Variants in BCAT1 observed in about 807,000 individuals in gnomAD.
The protein encoded by BCAT1 is branched-chain-amino-acid aminotransferase, cytosolic.
In BCAT1, 48 loss-of-function variants were observed where a neutral mutation model predicts 52.4. The ratio of observed to expected loss-of-function variants is 0.92; its 90% CI spans 0.73 to 1.16. BCAT1 has a LOEUF of 1.16. Among genes scored for constraint, BCAT1 ranks in the 50% most tolerant of loss-of-function variants. BCAT1 has a pLI of 0.00. For missense variants in BCAT1, 451 were observed against 457.1 expected (o/e 0.99, Z 0.12); for synonymous variants, 167 against 161.3 (o/e 1.04, Z -0.27).
At chr12:24,922,944 CA>C (rs1943523279) in intron 1 of BCAT1, among the ~76,000 whole-genome samples, 1 of 151,882 alleles carries the variant, frequency 6.6e-6, no homozygotes, top group East Asian at 1.9e-4. Flanking sequence ...GGAAATCAGA[CA>C]TGTGCTTCCC....
At chr12:24,857,053 G>A (rs1446272041) in intron 5 of BCAT1, among the ~76,000 whole-genome samples, 1 of 152,206 alleles carries the variant, frequency 6.6e-6, no homozygotes, top group Non-Finnish European at 1.5e-5. Flanking sequence ...CTCCTTCTCG[G>A]AGGAGCAATG....
intron 4 of BCAT1, among the ~76,000 whole-genome samples, chr12:24,880,901 T>C (rs965618170): frequency 6.6e-6 from 1 of 151,844 alleles, no homozygotes; most frequent in African/African-American, 2.4e-5. Context: ...AGTGATGTGA[T>C]TATCTTGGCT....
At chr12:24,832,619 T>G in intron 9 of BCAT1, 104 bp downstream of exon 9, 1 of 1,324,254 alleles carries the variant, frequency 7.6e-7, no homozygotes, top group Non-Finnish European at 1.0e-6. Flanking sequence ...ACAAAACTTT[T>G]GCATCTTGGG....
Position 24,832,834 on chromosome 12 carries a change from G to A in BCAT1, c.933C>T (p.Leu311=), listed in dbSNP as rs1431394774. The change falls in exon 9 of 11, where the codon CTC becomes CTT. Residue 311 remains leucine (L), a synonymous_variant. Coordinates refer to ENST00000261192, the MANE Select transcript of BCAT1 (RefSeq NM_005504.7). ...WGEFKVSERY[L]TMDDLTTALE... is the part of the protein sequence containing the mutation. The stretch of plus-strand genomic sequence containing the variant: ...GGGCTGTTGTCAAGTCATCCATGGT[G>A]AGGTATCTCTCTGACACCTTAAATT... The A allele has an allele frequency of 6.2e-6, 10 of 1,612,120 alleles. No individual in the cohort carries two copies. The highest frequency in any genetic ancestry group is 8.5e-6 in the Non-Finnish European group (10 of 1,179,134).
intron 3 of BCAT1, among the ~76,000 whole-genome samples, chr12:24,892,059 T>TTTTTGTTTTGTTTTG (rs3044287): frequency 0.032 from 4,582 of 144,508 alleles, 128 homozygotes; most frequent in East Asian, 0.15. Context: ...GCCTGGCCGT[T>TTTTTGTTTTGTTTTG]TTTTGTTTTG....
intron 1 of BCAT1, among the ~76,000 whole-genome samples, chr12:24,934,050 GGTTC>G (rs1943718693): frequency 6.6e-6 from 1 of 152,178 alleles, no homozygotes; most frequent in Non-Finnish European, 1.5e-5. Flanking sequence ...TAACGTGTCT[GGTTC>G]CTAGTTTCTG....
At chr12:24,834,877 T>G (rs1424267392) in intron 8 of BCAT1, 1 of 846,160 alleles carries the variant, frequency 1.2e-6, no homozygotes, top group Non-Finnish European at 1.5e-6. Flanking sequence ...TCACCCTTAC[T>G]TATCTTTGGA....
At chr12:24,861,501 C>T (rs1941847836) in intron 5 of BCAT1, among the ~76,000 whole-genome samples, 1 of 152,094 alleles carries the variant, frequency 6.6e-6, no homozygotes, top group South Asian at 2.1e-4. Flanking sequence ...TGTGAGAACT[C>T]GGGAGTTAGG....
chr12:24,838,655 A>G (rs1941076873), intron 7 of BCAT1, among the ~76,000 whole-genome samples: 1 of 152,134 alleles, frequency 6.6e-6, no homozygotes, highest in Non-Finnish European at 1.5e-5. Flanking sequence ...AACACCCAGA[A>G]CTGTAACCAC....
chr12:24,902,103 G>C, intron 1 of BCAT1: 2 of 1,469,898 alleles, frequency 1.4e-6, no homozygotes, highest in South Asian at 1.4e-5. Context: ...GGGTCGCGGC[G>C]GTTTTTGTCC....
chr12:24,938,143 G>C (rs1943793400), intron 1 of BCAT1, among the ~76,000 whole-genome samples: 1 of 152,124 alleles, frequency 6.6e-6, no homozygotes, highest in Non-Finnish European at 1.5e-5. Context: ...TTCCAATGAT[G>C]GTTAGAGGAA....
At position 24,817,177 on chromosome 12, in the gene BCAT1, C is replaced by T. The variant is rs950807314; in HGVS notation, c.*831G>A. ...AGACAATATAAGGTAAATCTATACA[C>T]TGTCAGAATCAATCACAAATTCTAA... On this transcript the variant is annotated 3_prime_UTR_variant, in exon 11 of 11. Coordinates refer to ENST00000261192, the MANE Select transcript of BCAT1 (RefSeq NM_005504.7). The T allele has an allele frequency of 6.6e-6, 1 of 152,206 alleles. No homozygotes were observed. Among genetic ancestry groups the T allele is most frequent in the African/African-American group, 2.4e-5 (1 of 41,446 alleles). 9.4% of individuals were successfully genotyped at this position (152,206 alleles called of 1,614,324 possible). A position where few individuals can be genotyped will look rare whatever the true frequency, so the allele number is the denominator to read the frequency against.
chr12:24,940,765 G>A (rs1360376888), intron 1 of BCAT1, among the ~76,000 whole-genome samples: 3 of 152,204 alleles, frequency 2.0e-5, no homozygotes, highest in African/African-American at 7.2e-5. Context: ...CAGGGAATTT[G>A]AGAAGTCCTA....
At chr12:24,898,283 A>C (rs371622423) in intron 2 of BCAT1, among the ~76,000 whole-genome samples, 7 of 152,166 alleles carry the variant, frequency 4.6e-5, no homozygotes, top group Non-Finnish European at 7.4e-5. Context: ...ACATTCCCTG[A>C]TGACATCGAA....
chr12:24,842,335 T>C lies in BCAT1; in HGVS notation c.675-111A>G, dbSNP rs1591797857. Reference sequence around the variant, plus strand: ...AATTCACATGTGGACATAGTGAAGGTATTATGTTCTTAATATATATACACT... The same window carrying C: ...AATTCACATGTGGACATAGTGAAGGCATTATGTTCTTAATATATATACACT... On this transcript the variant is annotated intron_variant, in intron 6 of 10. Transcript: ENST00000261192. 4.2e-6 allele frequency: 5 copies of C among 1,197,534 alleles called. No homozygotes were observed. In the East Asian group the frequency reaches 9.8e-5, roughly 24 times the overall value. The allele number at this position is 1,197,534 out of a possible 1,614,324, so 74.2% of individuals were successfully genotyped here.
intron 10 of BCAT1, among the ~76,000 whole-genome samples, chr12:24,826,290 A>T (rs944465890): frequency 2.0e-5 from 3 of 152,220 alleles, no homozygotes; most frequent in Non-Finnish European, 4.4e-5. Context: ...CAAGTCATTA[A>T]TATACTTTCA....
intron 5 of BCAT1, among the ~76,000 whole-genome samples, chr12:24,860,002 C>T (rs897579206): frequency 6.6e-6 from 1 of 152,150 alleles, no homozygotes; most frequent in Non-Finnish European, 1.5e-5. Context: ...TTTATGTTAT[C>T]AGTAATAATT....
chr12:24,855,400 G>A (rs962145730), intron 5 of BCAT1, among the ~76,000 whole-genome samples: 1 of 151,976 alleles, frequency 6.6e-6, no homozygotes, highest in East Asian at 1.9e-4. Context: ...TTTAGATGGA[G>A]TCTCAAGTCT....
intron 5 of BCAT1, among the ~76,000 whole-genome samples, chr12:24,863,548 T>C (rs1162069116): frequency 6.6e-6 from 1 of 152,210 alleles, no homozygotes; most frequent in Non-Finnish European, 1.5e-5. Context: ...ATCCTAAATA[T>C]GGATTTTAGA....
Sources: allele counts gnomAD v4.1 joint callset (sites outside exome capture counted in the v4.1 genomes callset), GRCh38; gene constraint gnomAD v4.1.1; transcripts MANE v1.5; gene names NCBI Gene and HGNC (gene_info 2026-07-23, HGNC 2026-07-21).